HLA-DPB1: variants seen among roughly 807,000 people sequenced by gnomAD.
HLA-DPB1 encodes the protein HLA class II histocompatibility antigen, DP beta 1 chain.
Under a neutral mutation model 29.4 loss-of-function variants are expected in HLA-DPB1, and 30 were observed. The ratio of observed to expected loss-of-function variants is 1.02; its 90% CI spans 0.76 to 1.38. The LOEUF (loss-of-function observed/expected upper bound fraction) is 1.38, where lower values mean the gene tolerates loss of function less well. HLA-DPB1 is among the 40% of genes most tolerant of loss of function. HLA-DPB1 has a pLI of 0.00. For missense variants in HLA-DPB1, 261 were observed against 327.5 expected (o/e 0.80, Z 1.57); for synonymous variants, 114 against 134.0 (o/e 0.85, Z 1.03).
chr6:33,079,156 A>G (rs954223986), intron 1 of HLA-DPB1, among the ~76,000 whole-genome samples: 4 of 152,212 alleles, frequency 2.6e-5, no homozygotes, highest in Admixed American at 6.5e-5. Flanking sequence ...AGGTTAATAA[A>G]CTGGAGAAGT....
At chr6:33,078,975 G>A (rs3097670) in intron 1 of HLA-DPB1, among the ~76,000 whole-genome samples, 1 of 152,008 alleles carries the variant, frequency 6.6e-6, no homozygotes, top group African/African-American at 2.4e-5. Flanking sequence ...TAGGGTCTGG[G>A]GCCCAAGGCA....
At position 33,080,763 on chromosome 6, in the gene HLA-DPB1, C is replaced by A. The variant is rs41555415; in HGVS notation, c.192C>A (p.Phe64Leu). Residue 64 changes from phenylalanine (F) to leucine (L), a missense_variant, in exon 2 of 6, where the codon TTC becomes TTA. Physicochemically the swap from Phe to Leu is conservative, Grantham distance 22. Transcript: ENST00000418931. This position sits in a 1 kb window ranked among gnomAD's most constrained non-coding sequence, Gnocchi z 4.3. ...GATACATCTACAACCGGGAGGAGTT[C>A]GCGCGCTTCGACAGCGACGTGGGGG... ...LERYIYNREE[F>L]ARFDSDVGEF... is the part of the protein sequence containing the mutation. 2.5e-6 allele frequency: 4 copies of A among 1,613,476 alleles called. No individual in the cohort carries two copies. The highest frequency in any genetic ancestry group is 2.5e-6 in the Non-Finnish European group (3 of 1,179,800).
In HLA-DPB1 at chr6:33,080,329, CCT is replaced by C. The variant is rs1762768085; in HGVS notation, c.101-342_101-341del. ...CTCCACGTCCCCAGCTCCTCCCGCC[CCT>C]GTTTTTTCTCCCAGTGACCCCACGT... On this transcript the variant is annotated intron_variant, in intron 1 of 5. Coordinates refer to ENST00000418931, the MANE Select transcript of HLA-DPB1 (RefSeq NM_002121.6). The surrounding 1 kb of genome is among the most constrained non-coding windows in gnomAD (Gnocchi z 4.3). 2 of 491,960 alleles carry C rather than the reference CCT, an allele frequency of 4.1e-6. No individual in the cohort carries two copies. The highest frequency in any genetic ancestry group is 2.6e-5 in the Admixed American group (1 of 38,994). 30.5% of individuals were successfully genotyped at this position (491,960 alleles called of 1,614,324 possible).
intron 3 of HLA-DPB1, 124 bp from the exon 4 acceptor site, chr6:33,085,655 C>A: frequency 1.4e-6 from 1 of 728,630 alleles, no homozygotes; most frequent in Non-Finnish European, 2.4e-6. Context: ...TTCCTCTTAG[C>A]AAGCTTTTTC....
chr6:33,086,661 T>C lies in HLA-DPB1; in HGVS notation c.*127T>C, dbSNP rs1218885270. 2 of 484,190 alleles carry C rather than the reference T, an allele frequency of 4.1e-6. No individual in the cohort carries two copies. Among genetic ancestry groups the C allele is most frequent in the Non-Finnish European group, 8.2e-6 (2 of 242,674 alleles). 30.0% of individuals were successfully genotyped at this position (484,190 alleles called of 1,614,324 possible). Reference sequence around the variant, plus strand: ...TTGGATACTGCTGCCAAGAAGTTGCTCTGAAGTCAGTTTCTATCATTCTGC... The same window carrying C: ...TTGGATACTGCTGCCAAGAAGTTGCCCTGAAGTCAGTTTCTATCATTCTGC... On this transcript the variant is annotated 3_prime_UTR_variant, in exon 6 of 6. Transcript: ENST00000418931.
intron 1 of HLA-DPB1, among the ~76,000 whole-genome samples, chr6:33,078,461 G>A (rs555689479): frequency 6.6e-6 from 1 of 152,162 alleles, no homozygotes; most frequent in Non-Finnish European, 1.5e-5. Flanking sequence ...GCTTAAAGAG[G>A]CTGGGGGAGA....
chr6:33,086,021 C>A, intron 4 of HLA-DPB1, 132 bp downstream of exon 4: 2 of 762,780 alleles, frequency 2.6e-6, no homozygotes, highest in Non-Finnish European at 2.2e-6. Flanking sequence ...AATCGGGGAA[C>A]AAACATGACC....
chr6:33,079,279 C>T (rs923932890), intron 1 of HLA-DPB1, among the ~76,000 whole-genome samples: 1 of 152,230 alleles, frequency 6.6e-6, no homozygotes, highest in Non-Finnish European at 1.5e-5. Context: ...AAACATGTGC[C>T]GTGTCACTGA....
chr6:33,088,169 G>A lies in HLA-DPB1; in HGVS notation c.*1635G>A, dbSNP rs3128966. ...ATCCAGGGATTCAACGATGGAAGGA[G>A]GTCATGAGAATAGCAGAAAGTCTTC... is the stretch of plus-strand genomic sequence containing the variant. On this transcript the variant is annotated 3_prime_UTR_variant, in exon 6 of 6. Coordinates refer to ENST00000418931, the MANE Select transcript of HLA-DPB1 (RefSeq NM_002121.6). 0.14 allele frequency among the ~76,000 whole-genome samples: 21,118 copies of A among 152,152 alleles called. 1,585 individuals carry two copies. The highest frequency in any genetic ancestry group is 0.17 in the Non-Finnish European group (11,741 of 67,968).
intron 1 of HLA-DPB1, chr6:33,079,655 A>C (rs2856822): frequency 0.35 from 163,739 of 470,766 alleles, 32,898 homozygotes; most frequent in East Asian, 0.69. Context: ...CAACAAAAAA[A>C]ACATGCTGCC....
chr6:33,086,715 C>CT lies in HLA-DPB1; in HGVS notation c.*182dup, dbSNP rs1397940971. The CT allele has an allele frequency of 4.7e-6, 2 of 425,928 alleles. No homozygotes were observed. The highest frequency in any genetic ancestry group is 9.6e-6 in the Non-Finnish European group (2 of 207,520). The allele number at this position is 425,928 out of a possible 1,614,324, so 26.4% of individuals were successfully genotyped here. On this transcript the variant is annotated 3_prime_UTR_variant, in exon 6 of 6. Transcript: ENST00000418931. Reference sequence around the variant, plus strand: ...TTGATTCAAAGCACTGTTTCTCTCACTGGGCCTCCAACCATGTTCCCTTCT... The same window carrying CT: ...TTGATTCAAAGCACTGTTTCTCTCACTTGGGCCTCCAACCATGTTCCCTTCT...
intron 1 of HLA-DPB1, chr6:33,079,799 C>T (rs2150370913): frequency 4.3e-6 from 2 of 464,824 alleles, no homozygotes; most frequent in South Asian, 3.2e-5. Flanking sequence ...GAAAGAGTCA[C>T]CCAGCCGGCC....
At chr6:33,084,660 G>A (rs1409377682) in intron 2 of HLA-DPB1, among the ~76,000 whole-genome samples, 1 of 151,988 alleles carries the variant, frequency 6.6e-6, no homozygotes, top group Non-Finnish European at 1.5e-5. Context: ...TTAGCCAGGT[G>A]AAGTGGCAGG....
rs9277542 is a variant in HLA-DPB1 at position 33,087,470 on chromosome 6, T to C, written c.*936T>C. Among the ~76,000 whole-genome samples the C allele has an allele frequency of 0.38, 57,244 of 151,402 alleles. 12,206 individuals are homozygous for C. The highest frequency in any genetic ancestry group is 0.64 in the East Asian group (3,288 of 5,152). Reference sequence around the variant, plus strand: ...TTTTGCGTCTCATATTGACACCTTTTGGTCAAGGTAGAGGACATGTTTGTT... The same window carrying C: ...TTTTGCGTCTCATATTGACACCTTTCGGTCAAGGTAGAGGACATGTTTGTT... On this transcript the variant is annotated 3_prime_UTR_variant, in exon 6 of 6. Coordinates refer to ENST00000418931, the MANE Select transcript of HLA-DPB1 (RefSeq NM_002121.6).
chr6:33,088,954 T>C lies in HLA-DPB1; in HGVS notation c.*2420T>C, dbSNP rs9277559. ...CCCTTCATTTTCTACCCCTCACAGT[T>C]CCCTAACGAGAAGGTGGTCCACCCA... On this transcript the variant is annotated 3_prime_UTR_variant, in exon 6 of 6. Transcript: ENST00000418931. Among the ~76,000 whole-genome samples the C allele has an allele frequency of 0.25, 38,230 of 151,740 alleles. 5,204 individuals are homozygous for C. The highest frequency in any genetic ancestry group is 0.63 in the East Asian group (3,209 of 5,132).
intron 1 of HLA-DPB1, among the ~76,000 whole-genome samples, chr6:33,076,381 G>A (rs201929255): frequency 3.0e-5 from 3 of 99,034 alleles, no homozygotes; most frequent in African/African-American, 1.6e-4. Flanking sequence ...AGTGGTCAGT[G>A]TCTTTGGGGA....
rs765998472 is a variant in HLA-DPB1 at position 33,080,668 on chromosome 6, G to A, written c.101-4G>A. ...CTCCGCTCATGTCCGCCCCCTCCCC[G>A]CAGAGAATTACCTTTTCCAGGGACG... On this transcript the variant is annotated splice_polypyrimidine_tract_variant and splice_region_variant and intron_variant, in intron 1 of 5. Transcript: ENST00000418931. The surrounding 1 kb of genome is among the most constrained non-coding windows in gnomAD (Gnocchi z 4.3). 15 of 1,612,206 alleles carry A rather than the reference G, an allele frequency of 9.3e-6. No individual in the cohort carries two copies. The South Asian group carries it at 1.5e-4, about 17-fold the overall frequency.
Position 33,080,254 on chromosome 6 carries a change from T to G in HLA-DPB1, c.101-418T>G. 2 of 365,450 alleles carry G rather than the reference T, an allele frequency of 5.5e-6. No individual in the cohort carries two copies. The highest frequency in any genetic ancestry group is 4.2e-5 in the South Asian group (2 of 47,066). 22.6% of individuals were successfully genotyped at this position (365,450 alleles called of 1,614,324 possible). A position where few individuals can be genotyped will look rare whatever the true frequency, so the allele number is the denominator to read the frequency against. ...GGTGGCATTTGAACCAGGACTGACA[T>G]CAGGATGGAAATGTCAGTCAGGGAG... On this transcript the variant is annotated intron_variant, in intron 1 of 5. Transcript: ENST00000418931. The surrounding 1 kb of genome is among the most constrained non-coding windows in gnomAD (Gnocchi z 4.3).
intron 2 of HLA-DPB1, chr6:33,083,628 G>A (rs1260532663): frequency 6.6e-6 from 1 of 152,176 alleles, no homozygotes; most frequent in Non-Finnish European, 1.5e-5. Context: ...GTACCACCAT[G>A]TCTGGCTAAT....
Sources: gnomAD v4.1 joint callset for allele counts (sites outside exome capture counted in the v4.1 genomes callset) on GRCh38, gnomAD v4.1.1 for gene constraint, Gnocchi (gnomAD v3.1) non-coding constraint, MANE v1.5 for transcripts, NCBI Gene and HGNC (gene_info 2026-07-23, HGNC 2026-07-21) for gene names.